The following ARHGAP6 variants were observed in gnomAD, a reference collection of about 807,000 sequenced individuals.
The protein encoded by ARHGAP6 is rho GTPase-activating protein 6.
A neutral mutation model predicts 55.7 loss-of-function variants in ARHGAP6; 16 were observed. The ratio of observed to expected loss-of-function variants is 0.29; its 90% CI spans 0.19 to 0.44. The LOEUF is 0.44. Ranked by LOEUF, ARHGAP6 falls within the 20% of genes least tolerant of loss-of-function variation. ARHGAP6 has a pLI of 1.00. For missense variants in ARHGAP6, 698 were observed against 808.9 expected, an observed-to-expected ratio of 0.86 and a Z score of 1.66; for synonymous variants, 382 against 360.9, an observed-to-expected ratio of 1.06 and a Z score of -0.66.
intron 1 of ARHGAP6, among the ~76,000 whole-genome samples, chrX:11,567,804 G>A (rs962100090): frequency 9.1e-6 from 1 of 109,547 alleles, no homozygotes; most frequent in Non-Finnish European, 1.9e-5. Flanking sequence ...GAGTAGCTGG[G>A]GCTACAGGCA....
chrX:11,473,981 T>C (rs976086667), intron 1 of ARHGAP6, among the ~76,000 whole-genome samples: 2 of 111,304 alleles, frequency 1.8e-5, no homozygotes, highest in Non-Finnish European at 3.8e-5. Flanking sequence ...GCTGCTCAAC[T>C]GCTCCACTAG....
intron 1 of ARHGAP6, among the ~76,000 whole-genome samples, chrX:11,314,619 G>T (rs2048335755): frequency 8.9e-6 from 1 of 112,040 alleles, no homozygotes; most frequent in African/African-American, 3.2e-5. Flanking sequence ...CAAAAGATAT[G>T]ATCTCATTCT....
chrX:11,469,552 T>C (rs1336156344), intron 1 of ARHGAP6, among the ~76,000 whole-genome samples: 1 of 111,427 alleles, frequency 9.0e-6, no homozygotes, highest in Non-Finnish European at 1.9e-5. Flanking sequence ...TTCTAACAAC[T>C]CTAATCCACT....
intron 1 of ARHGAP6, among the ~76,000 whole-genome samples, chrX:11,385,480 T>C (rs2049317703): frequency 8.9e-6 from 1 of 111,760 alleles, no homozygotes; most frequent in Admixed American, 9.5e-5. Context: ...TAATCAAACT[T>C]TGGTATTAAT....
chrX:11,339,733 G>T, intron 1 of ARHGAP6, among the ~76,000 whole-genome samples: 1 of 111,481 alleles, frequency 9.0e-6, no homozygotes, highest in Admixed American at 9.5e-5. Context: ...AATTCTACAT[G>T]CATATCCCCA....
intron 1 of ARHGAP6, among the ~76,000 whole-genome samples, chrX:11,428,313 G>A (rs1001457998): frequency 2.7e-5 from 3 of 111,714 alleles, no homozygotes; most frequent in Admixed American, 1.9e-4. Flanking sequence ...GCGGGGACAA[G>A]GCTGCCCAGG....
intron 2 of ARHGAP6, among the ~76,000 whole-genome samples, chrX:11,246,210 T>C (rs1466721991): frequency 9.0e-6 from 1 of 111,164 alleles, no homozygotes; most frequent in East Asian, 2.8e-4. Flanking sequence ...ATGACAATGA[T>C]GATGATGATG....
intron 1 of ARHGAP6, chrX:11,265,879 C>G (rs2047615842): frequency 2.1e-6 from 2 of 947,897 alleles, no homozygotes; most frequent in African/African-American, 4.1e-5. Context: ...CCTTTTGTTG[C>G]CAGAGACCTC....
chrX:11,629,995 G>A (rs901644244), intron 1 of ARHGAP6, among the ~76,000 whole-genome samples: 3 of 106,665 alleles, frequency 2.8e-5, no homozygotes, highest in African/African-American at 6.7e-5. Flanking sequence ...GAAAAGAATC[G>A]AAGCTCCCCC....
At chrX:11,652,223 T>C (rs2052591522) in intron 1 of ARHGAP6, among the ~76,000 whole-genome samples, 1 of 112,344 alleles carries the variant, frequency 8.9e-6, no homozygotes, top group Non-Finnish European at 1.9e-5. Flanking sequence ...TGAATGGTAT[T>C]GCTTCAGTTG....
At chrX:11,599,831 G>T (rs2051948942) in intron 1 of ARHGAP6, among the ~76,000 whole-genome samples, 1 of 111,985 alleles carries the variant, frequency 8.9e-6, no homozygotes, top group Admixed American at 9.5e-5. Context: ...TCATAAACTT[G>T]ACTGTAGTGA....
intron 11 of ARHGAP6, chrX:11,142,904 T>G (rs1029969397): frequency 4.5e-5 from 5 of 111,930 alleles, no homozygotes; most frequent in African/African-American, 1.6e-4. Context: ...AGGAAATGAA[T>G]AGAAGGGTGA....
chrX:11,190,261 G>C (rs929804576), intron 3 of ARHGAP6, among the ~76,000 whole-genome samples: 3 of 111,001 alleles, frequency 2.7e-5, no homozygotes, highest in Admixed American at 1.9e-4. Flanking sequence ...GGGATTTTCA[G>C]AGGATGCTTG....
intron 11 of ARHGAP6, chrX:11,143,774 C>A: frequency 8.8e-7 from 1 of 1,141,169 alleles, no homozygotes; most frequent in Non-Finnish European, 1.2e-6. Context: ...CCTGCAGGGA[C>A]CCTCCCAGCC....
chrX:11,495,089 T>A (rs971630516), intron 1 of ARHGAP6, among the ~76,000 whole-genome samples: 8 of 112,221 alleles, frequency 7.1e-5, no homozygotes, highest in Non-Finnish European at 1.5e-4. Context: ...TGTACAATAA[T>A]GTTTGAGCCA....
intron 1 of ARHGAP6, among the ~76,000 whole-genome samples, chrX:11,317,865 G>T (rs2048377900): frequency 8.9e-6 from 1 of 111,812 alleles, no homozygotes; most frequent in Admixed American, 9.5e-5. Flanking sequence ...TAGGGATGGA[G>T]AATTAAGCTA....
intron 1 of ARHGAP6, among the ~76,000 whole-genome samples, chrX:11,335,478 T>C (rs1164847680): frequency 9.0e-6 from 1 of 111,353 alleles, no homozygotes; most frequent in African/African-American, 3.3e-5. Flanking sequence ...GCTGTTTGGT[T>C]TTCTGTTCTT....
At chrX:11,292,979 G>C (rs1484816573) in intron 1 of ARHGAP6, among the ~76,000 whole-genome samples, 2 of 111,804 alleles carry the variant, frequency 1.8e-5, no homozygotes, top group Non-Finnish European at 3.8e-5. Context: ...TACCCAAATG[G>C]GAATTTGAAT....
rs1395358918 is a variant in ARHGAP6, at chrX:11,327,271, A to G, written c.589-72564T>C. On this transcript the variant is annotated intron_variant, in intron 1 of 12. Transcript: ENST00000337414. ...AGGACATCTGACATTCATTCCTGCT[A>G]AGAAAGAAAAGAAAATCTTGCTCAC... 2.7e-5 allele frequency among the ~76,000 whole-genome samples: 3 copies of G among 112,441 alleles called. No individual in the cohort carries two copies. The South Asian group carries it at 1.1e-3, about 41-fold the overall frequency.
Sources: gnomAD v4.1 joint callset for allele counts (sites outside exome capture counted in the v4.1 genomes callset) on GRCh38, gnomAD v4.1.1 for gene constraint, MANE v1.5 for transcripts, NCBI Gene and HGNC (gene_info 2026-07-23, HGNC 2026-07-21) for gene names.